The following ACVRL1 variants were observed in gnomAD, a reference collection of about 807,000 sequenced individuals.
ACVRL1 encodes the protein activin A receptor like type 1, also known as activin receptor type-1-like.
ACVRL1 carries 20 observed loss-of-function variants against 51.9 expected under a neutral mutation model. That is an observed-to-expected ratio of 0.39 (90% CI 0.27 to 0.56). The LOEUF (loss-of-function observed/expected upper bound fraction) is 0.56, where lower values mean the gene tolerates loss of function less well. Among genes scored for constraint, ACVRL1 ranks in the 20% least tolerant of loss-of-function variants. The pLI is 0.67. For missense variants in ACVRL1, 451 were observed against 670.3 expected (o/e 0.67, Z 3.61); for synonymous variants, 288 against 280.9 (o/e 1.03, Z -0.25).
rs1487287975 is a variant in ACVRL1, at chr12:51,913,665, G to C, written c.420G>C (p.Leu140=). 6.2e-7 allele frequency: 1 copy of C among 1,609,392 alleles called. No homozygotes were observed. The highest frequency in any genetic ancestry group is 1.3e-5 in the African/African-American group (1 of 74,952). ...TGGTGGCCCTGGGTGTCCTGGGCCT[G>C]TGGCATGTCCGACGGAGGCAGGAGA... ...LALVALGVLG[L]WHVRRRQEKQ... Residue 140 remains leucine, a synonymous_variant, in exon 4 of 10, where the codon CTG becomes CTC. Coordinates refer to ENST00000388922, the MANE Select transcript of ACVRL1 (RefSeq NM_000020.3).
rs1940811894 is a variant in ACVRL1 at position 51,915,457 on chromosome 12, T to C, written c.1005T>C (p.Asn335=). The change falls in exon 7 of 10, where the codon AAT becomes AAC. Residue 335 remains asparagine (N), a synonymous_variant. Transcript: ENST00000388922. The part of the protein sequence containing the change: ...AIAHRDFKSR[N]VLVKSNLQCC... ...CCCACCGCGACTTCAAGAGCCGCAA[T>C]GTGCTGGTCAAGAGCAACCTGCAGT... The C allele has an allele frequency of 1.2e-6, 2 of 1,613,084 alleles. No individual in the cohort carries two copies. The highest frequency in any genetic ancestry group is 1.3e-5 in the African/African-American group (1 of 75,042).
chr12:51,915,130 C>T, intron 6 of ACVRL1, 95 bp from the exon 7 acceptor site: 2 of 1,360,734 alleles, frequency 1.5e-6, no homozygotes, highest in Non-Finnish European at 2.1e-6. Flanking sequence ...TGACCCAGTC[C>T]ATTCCCTCTC....
rs750985560 is a variant in ACVRL1, at chr12:51,921,483, G to T, written c.*590G>T. On this transcript the variant is annotated 3_prime_UTR_variant, in exon 10 of 10. Coordinates refer to ENST00000388922, the MANE Select transcript of ACVRL1 (RefSeq NM_000020.3). ...CTTGCTGAATGTCAGCTGCCTGAGA[G>T]AGCTGGGGCCTGACTTACTAGGGCA... 4.5e-4 allele frequency: 80 copies of T among 178,296 alleles called. No individual in the cohort carries two copies. Among genetic ancestry groups the T allele is most frequent in the Non-Finnish European group, 7.7e-4 (63 of 82,308 alleles). 11.0% of individuals were successfully genotyped at this position (178,296 alleles called of 1,614,324 possible).
At chr12:51,907,021 C>T (rs1940605593), upstream of ACVRL1, 1 of 149,976 alleles carries the variant, frequency 6.7e-6, no homozygotes, top group South Asian at 2.1e-4. The surrounding 1 kb of genome is among the most constrained non-coding windows in gnomAD (Gnocchi z 4.5). Flanking sequence ...CCCTCCCCGT[C>T]CCACCCCCGC....
At chr12:51,912,688 T>C (rs1347070693) in intron 2 of ACVRL1, among the ~76,000 whole-genome samples, 153 bp downstream of exon 2, 2 of 152,088 alleles carry the variant, frequency 1.3e-5, no homozygotes, top group Non-Finnish European at 2.9e-5. Context: ...TCCATTAGAC[T>C]CAGTCCCCAG....
rs1940869497 is a variant in ACVRL1 at position 51,917,550 on chromosome 12, C to T, written c.1246+1317C>T. 6.6e-6 allele frequency among the ~76,000 whole-genome samples: 1 copy of T among 152,076 alleles called. No homozygotes were observed. The highest frequency in any genetic ancestry group is 1.5e-5 in the Non-Finnish European group (1 of 68,014). ...GTTGGGGACAATCCTCAGGATATGG[C>T]TGGAGCCCTGCTTCTTGGGGACAAG... On this transcript the variant is annotated intron_variant, in intron 8 of 9. Transcript: ENST00000388922. This position sits in a 1 kb window ranked among gnomAD's most constrained non-coding sequence, Gnocchi z 4.2.
intron 1 of ACVRL1, among the ~76,000 whole-genome samples, chr12:51,910,652 G>A (rs1469695422): frequency 6.6e-6 from 1 of 152,114 alleles, no homozygotes; most frequent in Non-Finnish European, 1.5e-5. Flanking sequence ...CAGCTTTCTG[G>A]GCTAGCAAAG....
intron 8 of ACVRL1, 26 bp from the exon 9 acceptor site, chr12:51,918,959 T>C: frequency 6.2e-7 from 1 of 1,614,210 alleles, no homozygotes. Context: ...TCCCAAGTGA[T>C]TGTCCTGTCC....
chr12:51,915,541 C>T (rs377503866), intron 7 of ACVRL1, 41 bp downstream of exon 7: 5 of 1,580,476 alleles, frequency 3.2e-6, no homozygotes, highest in East Asian at 2.3e-5. Flanking sequence ...CACAGGTGGG[C>T]GGAGCTTGTG....
chr12:51,919,360 G>GCT, intron 9 of ACVRL1: 3 of 505,572 alleles, frequency 5.9e-6, no homozygotes, highest in South Asian at 2.0e-5. Flanking sequence ...GCTATCTGTG[G>GCT]CTCTGTGTGT....
rs886049613 is a variant in ACVRL1 at position 51,921,144 on chromosome 12, A to G, written c.*251A>G. On this transcript the variant is annotated 3_prime_UTR_variant, in exon 10 of 10. Coordinates refer to ENST00000388922, the MANE Select transcript of ACVRL1 (RefSeq NM_000020.3). ...CTCTCTCCCCACCCCTATGGCCAGC[A>G]TGGTGCACCCCCTACCACTCCCGGG... 7.5e-6 allele frequency: 4 copies of G among 532,408 alleles called. No individual in the cohort carries two copies. Among genetic ancestry groups the G allele is most frequent in the African/African-American group, 3.8e-5 (2 of 52,192 alleles). 33.0% of individuals were successfully genotyped at this position (532,408 alleles called of 1,614,324 possible). A position where few individuals can be genotyped will look rare whatever the true frequency, so the allele number is the denominator to read the frequency against.
intron 1 of ACVRL1, among the ~76,000 whole-genome samples, chr12:51,910,743 G>A (rs985042230): frequency 3.9e-5 from 6 of 152,264 alleles, no homozygotes; most frequent in East Asian, 3.9e-4. Context: ...CCATCCCACC[G>A]TCAGTCCTGC....
At chr12:51,910,974 G>T (rs1453298382) in intron 1 of ACVRL1, among the ~76,000 whole-genome samples, 1 of 152,228 alleles carries the variant, frequency 6.6e-6, no homozygotes, top group Non-Finnish European at 1.5e-5. Context: ...TGCCCTCAGA[G>T]CCTCAGCATC....
chr12:51,920,643 A>T (rs756446829), intron 9 of ACVRL1, 116 bp from the exon 10 acceptor site: 27 of 1,197,224 alleles, frequency 2.3e-5, no homozygotes, highest in Non-Finnish European at 3.2e-5. Context: ...CATCCTCCTC[A>T]TCTTCTTCCC....
In ACVRL1 at chr12:51,916,071, C is replaced by T. The variant is rs375679140; in HGVS notation, c.1084C>T (p.Leu362=). The change falls in exon 8 of 10, where the codon CTG becomes TTG. Residue 362 remains leucine (L), a synonymous_variant. Coordinates refer to ENST00000388922, the MANE Select transcript of ACVRL1 (RefSeq NM_000020.3). ...GATGCACTCACAGGGCAGCGATTACCTGGACATCGGCAACAACCCGAGAGT... is the reference window on the plus strand; with the variant it reads ...GATGCACTCACAGGGCAGCGATTACTTGGACATCGGCAACAACCCGAGAGT... ...AVMHSQGSDY[L]DIGNNPRVGT... 2.9e-5 allele frequency: 46 copies of T among 1,613,112 alleles called. No homozygotes were observed. In the African/African-American group the frequency reaches 6.1e-4, roughly 22 times the overall value.
chr12:51,916,166 C>A lies in ACVRL1; in HGVS notation c.1179C>A (p.Tyr393Ter), dbSNP rs778959565. 3.7e-6 allele frequency: 6 copies of A among 1,614,082 alleles called. No homozygotes were observed. The highest frequency in any genetic ancestry group is 5.1e-6 in the Non-Finnish European group (6 of 1,180,052). ...EQIRTDCFES[Y>*]KWTDIWAFGL... Reference sequence around the variant, plus strand: ...TCCGCACGGACTGCTTTGAGTCCTACAAGTGGACTGACATCTGGGCCTTTG... The same window carrying A: ...TCCGCACGGACTGCTTTGAGTCCTAAAAGTGGACTGACATCTGGGCCTTTG... The change falls in exon 8 of 10, where the codon TAC (tyrosine) becomes TAA (stop). Residue 393 changes from tyrosine to a stop codon, truncating the protein, a stop_gained. Coordinates refer to ENST00000388922, the MANE Select transcript of ACVRL1 (RefSeq NM_000020.3). LOFTEE classifies it high-confidence loss of function.
chr12:51,919,338 G>T, intron 9 of ACVRL1: 1 of 631,352 alleles, frequency 1.6e-6, no homozygotes, highest in Non-Finnish European at 2.8e-6. Context: ...CCTTCCCTGT[G>T]AAAAGTCAGA....
rs1940969738 is a variant in ACVRL1 at position 51,921,108 on chromosome 12, C to A, written c.*215C>A. The A allele has an allele frequency of 3.3e-6, 2 of 604,454 alleles. No individual in the cohort carries two copies. Among genetic ancestry groups the A allele is most frequent in the African/African-American group, 1.8e-5 (1 of 54,110 alleles). The allele number at this position is 604,454 out of a possible 1,614,324, so 37.4% of individuals were successfully genotyped here. ...TGGCCTGCTCAAAGCGGCAGGCTCCCTGACGCCTGGCTCTCTCCCCACCCC... is the reference window on the plus strand; with the variant it reads ...TGGCCTGCTCAAAGCGGCAGGCTCCATGACGCCTGGCTCTCTCCCCACCCC... On this transcript the variant is annotated 3_prime_UTR_variant, in exon 10 of 10. Coordinates refer to ENST00000388922, the MANE Select transcript of ACVRL1 (RefSeq NM_000020.3).
Position 51,921,740 on chromosome 12 carries a change from T to A in ACVRL1, c.*847T>A, listed in dbSNP as rs1490928662. 6.7e-6 allele frequency: 1 copy of A among 149,626 alleles called. No individual in the cohort carries two copies. Among genetic ancestry groups the A allele is most frequent in the Non-Finnish European group, 1.5e-5 (1 of 67,220 alleles). The allele number at this position is 149,626 out of a possible 1,614,324, so 9.3% of individuals were successfully genotyped here. On this transcript the variant is annotated 3_prime_UTR_variant, in exon 10 of 10. Coordinates refer to ENST00000388922, the MANE Select transcript of ACVRL1 (RefSeq NM_000020.3). ...ACCTTTTCTTTTCTTTTTTCCTTCT[T>A]TTTTTTTTTGACACGGAGTTTCGCT...
Sources: allele counts gnomAD v4.1 joint callset (sites outside exome capture counted in the v4.1 genomes callset), GRCh38; gene constraint gnomAD v4.1.1; non-coding constraint Gnocchi (gnomAD v3.1); transcripts MANE v1.5; gene names NCBI Gene and HGNC (gene_info 2026-07-23, HGNC 2026-07-21).